The following ATP5MG variants were observed in gnomAD, a reference collection of about 807,000 sequenced individuals.
ATP5MG encodes the protein ATP synthase membrane subunit g.
ATP5MG carries 7 observed loss-of-function variants against 12.7 expected under a neutral mutation model. The ratio of observed to expected loss-of-function variants is 0.55; its 90% CI spans 0.31 to 1.04. ATP5MG has a LOEUF of 1.04. ATP5MG is among the 50% of genes least tolerant of loss of function. ATP5MG has a pLI of 0.05. For missense variants in ATP5MG, 116 were observed against 126.7 expected, an observed-to-expected ratio of 0.92 and a Z score of 0.41; for synonymous variants, 53 against 48.2, an observed-to-expected ratio of 1.10 and a Z score of -0.41.
chr11:118,406,994 A>G lies in ATP5MG; in HGVS notation c.110A>G (p.Glu37Gly). 6.2e-7 allele frequency: 1 copy of G among 1,614,042 alleles called. No individual in the cohort carries two copies. Among genetic ancestry groups the G allele is most frequent in the Non-Finnish European group, 8.5e-7 (1 of 1,179,988 alleles). ...LATFWYYAKV[E>G]LVPPTPAEIP... The stretch of plus-strand genomic sequence containing the variant: ...ACATTTTGGTACTACGCCAAGGTTG[A>G]GCTGGTTCCTCCCACCCCTGCTGAG... The change falls in exon 2 of 3, where the codon GAG (glutamate) becomes GGG (glycine). Residue 37 changes from glutamate (E) to glycine (G), a missense_variant. Transcript: ENST00000300688.
At chr11:118,407,332 G>T in intron 2 of ATP5MG, 1 of 559,712 alleles carries the variant, frequency 1.8e-6, no homozygotes, top group Non-Finnish European at 2.9e-6. Context: ...TAGCAAAAAA[G>T]TGACCATTTT....
Position 118,406,924 on chromosome 11 carries a change from T to C in ATP5MG, c.53-13T>C, listed in dbSNP as rs372834761. 1.4e-5 allele frequency: 22 copies of C among 1,582,132 alleles called. No homozygotes were observed. The African/African-American group carries it at 2.6e-4, about 19-fold the overall frequency. ...CATCCTGGTTTTTTGTTTTGTTTTG[T>C]TTTGTTTTCCAGCTGCTGTGACTTA... On this transcript the variant is annotated splice_polypyrimidine_tract_variant and intron_variant, in intron 1 of 2. Coordinates refer to ENST00000300688, the MANE Select transcript of ATP5MG (RefSeq NM_006476.5).
In ATP5MG at chr11:118,407,047, A is replaced by G; in HGVS notation, c.163A>G (p.Lys55Glu). 6.2e-7 allele frequency: 1 copy of G among 1,614,170 alleles called. No homozygotes were observed. The highest frequency in any genetic ancestry group is 8.5e-7 in the Non-Finnish European group (1 of 1,180,038). Residue 55 changes from lysine (K) to glutamate (E), a missense_variant, in exon 2 of 3, where the codon AAA becomes GAA. By Grantham distance (56) the Lys-to-Glu change is moderately conservative (BLOSUM62 1). Coordinates refer to ENST00000300688, the MANE Select transcript of ATP5MG (RefSeq NM_006476.5). ...CCCTAGAGCTATTCAGAGCCTGAAAAAAATAGTCAATAGTGCTCAGACTGG... is the reference window on the plus strand; with the variant it reads ...CCCTAGAGCTATTCAGAGCCTGAAAGAAATAGTCAATAGTGCTCAGACTGG... ...EIPRAIQSLK[K>E]IVNSAQTGSF...
chr11:118,409,167 ACTG>A lies in ATP5MG; in HGVS notation c.*72_*74del. 1 of 1,034,192 alleles carries A rather than the reference ACTG, an allele frequency of 9.7e-7. No individual in the cohort carries two copies. The highest frequency in any genetic ancestry group is 1.7e-5 in the South Asian group (1 of 60,106). The allele number at this position is 1,034,192 out of a possible 1,614,324, so 64.1% of individuals were successfully genotyped here. A position where few individuals can be genotyped will look rare whatever the true frequency, so the allele number is the denominator to read the frequency against. On this transcript the variant is annotated 3_prime_UTR_variant, in exon 3 of 3. Transcript: ENST00000300688. Reference sequence around the variant, plus strand: ...GTGTTGTTGGACCATGTGTGATCAGACTGCTATCTGAATAAAATAAGATTTGTC... The same window carrying A: ...GTGTTGTTGGACCATGTGTGATCAGACTATCTGAATAAAATAAGATTTGTC...
At chr11:118,402,304 G>A (rs17122154) in intron 1 of ATP5MG, among the ~76,000 whole-genome samples, 42,931 of 151,914 alleles carry the variant, frequency 0.28, 6,418 homozygotes, top group East Asian at 0.58. Flanking sequence ...AGAAGCATAG[G>A]ACGGGATCCG....
At position 118,401,820 on chromosome 11, in the gene ATP5MG, G is replaced by T. The variant is rs1330923784; in HGVS notation, c.52+103G>T. 4 of 1,413,060 alleles carry T rather than the reference G, an allele frequency of 2.8e-6. No homozygotes were observed. In the African/African-American group the frequency reaches 5.8e-5, roughly 20 times the overall value. The allele number at this position is 1,413,060 out of a possible 1,614,324, so 87.5% of individuals were successfully genotyped here. A position where few individuals can be genotyped will look rare whatever the true frequency, so the allele number is the denominator to read the frequency against. On this transcript the variant is annotated intron_variant, in intron 1 of 2. Coordinates refer to ENST00000300688, the MANE Select transcript of ATP5MG (RefSeq NM_006476.5). ...GCTGCGAAGACCCGAGGGGCCTGCG[G>T]GTGCCGGGGCGGGATGGCCTGCAGG...
At chr11:118,406,034 T>C (rs1247917234) in intron 1 of ATP5MG, 4 of 152,210 alleles carry the variant, frequency 2.6e-5, no homozygotes, top group South Asian at 2.1e-4. Flanking sequence ...AGCTAATTTT[T>C]GTAGTTTTAG....
chr11:118,408,669 G>C (rs1555132509), intron 2 of ATP5MG, among the ~76,000 whole-genome samples: 1 of 152,108 alleles, frequency 6.6e-6, no homozygotes. Flanking sequence ...CTATATCCAG[G>C]ATGTGGATTG....
chr11:118,406,197 C>T (rs1948970347), intron 1 of ATP5MG: 1 of 152,200 alleles, frequency 6.6e-6, no homozygotes, highest in South Asian at 2.1e-4. Flanking sequence ...ATGTCTTCCT[C>T]TTTCTGAAAT....
At chr11:118,405,413 A>G (rs1948964102) in intron 1 of ATP5MG, among the ~76,000 whole-genome samples, 1 of 152,076 alleles carries the variant, frequency 6.6e-6, no homozygotes, top group Admixed American at 6.6e-5. Context: ...CTCAACCTCC[A>G]CTGAGAAATC....
At position 118,406,977 on chromosome 11, in the gene ATP5MG, G is replaced by A. The variant is rs782058231; in HGVS notation, c.93G>A (p.Trp31Ter). The change falls in exon 2 of 3, where the codon TGG (tryptophan) becomes TGA (stop). Residue 31 changes from tryptophan to a stop codon, truncating the protein, a stop_gained. Coordinates refer to ENST00000300688, the MANE Select transcript of ATP5MG (RefSeq NM_006476.5). LOFTEE classifies it high-confidence loss of function. Reference protein sequence around the residue: ...TYSKPRLATFWYYAKVELVPP... With the variant: ...TYSKPRLATF ...CGAAGCCTCGATTGGCCACATTTTG[G>A]TACTACGCCAAGGTTGAGCTGGTTC... The A allele has an allele frequency of 4.3e-6, 7 of 1,613,364 alleles. No individual in the cohort carries two copies. Among genetic ancestry groups the A allele is most frequent in the Admixed American group, 3.3e-5 (2 of 59,926 alleles).
intron 1 of ATP5MG, chr11:118,406,371 C>G (rs944293768): frequency 6.5e-6 from 1 of 153,214 alleles, no homozygotes; most frequent in Non-Finnish European, 1.5e-5. Flanking sequence ...AAAAGAGGAG[C>G]AGCTGTGCTT....
intron 1 of ATP5MG, among the ~76,000 whole-genome samples, chr11:118,403,161 T>C (rs1439155567): frequency 6.6e-6 from 1 of 152,242 alleles, no homozygotes; most frequent in African/African-American, 2.4e-5. Context: ...TTACTAAGAT[T>C]GTTAAGATAC....
chr11:118,401,891 C>G (rs1487427626), intron 1 of ATP5MG, 174 bp downstream of exon 1: 1 of 677,490 alleles, frequency 1.5e-6, no homozygotes, highest in East Asian at 2.8e-5. Flanking sequence ...TAGCCTTCCA[C>G]TCGTCTGACC....
Position 118,409,149 on chromosome 11 carries a change from T to C in ATP5MG, c.*51T>C. ...ATTTGATTTATTATTTGAGTGTTGT[T>C]GGACCATGTGTGATCAGACTGCTAT... On this transcript the variant is annotated 3_prime_UTR_variant, in exon 3 of 3. Coordinates refer to ENST00000300688, the MANE Select transcript of ATP5MG (RefSeq NM_006476.5). The C allele has an allele frequency of 7.5e-7, 1 of 1,331,422 alleles. No homozygotes were observed. Among genetic ancestry groups the C allele is most frequent in the Non-Finnish European group, 1.0e-6 (1 of 960,590 alleles). 82.5% of individuals were successfully genotyped at this position (1,331,422 alleles called of 1,614,324 possible).
chr11:118,405,700 CTGCT>C, intron 1 of ATP5MG: 1 of 985,132 alleles, frequency 1.0e-6, no homozygotes, highest in Non-Finnish European at 1.2e-6. Flanking sequence ...AGCTTTGTGT[CTGCT>C]TAAAGGTATG....
At position 118,406,834 on chromosome 11, in the gene ATP5MG, G is replaced by T. The variant is rs569423608; in HGVS notation, c.53-103G>T. 7.4e-6 allele frequency: 11 copies of T among 1,481,740 alleles called. No homozygotes were observed. The African/African-American group carries it at 1.5e-4, about 21-fold the overall frequency. 91.8% of individuals were successfully genotyped at this position (1,481,740 alleles called of 1,614,324 possible). A position where few individuals can be genotyped will look rare whatever the true frequency, so the allele number is the denominator to read the frequency against. ...ACATTTGGTACAAGCAGTGAATGAA[G>T]GTGATGCATGAATAAATATTTGTGT... On this transcript the variant is annotated intron_variant, in intron 1 of 2. Coordinates refer to ENST00000300688, the MANE Select transcript of ATP5MG (RefSeq NM_006476.5).
chr11:118,401,754 G>A (rs557183506), intron 1 of ATP5MG, 37 bp downstream of exon 1: 25 of 1,604,832 alleles, frequency 1.6e-5, no homozygotes, highest in Admixed American at 3.4e-5. Flanking sequence ...CGGGCACACG[G>A]GCGGCAGGGA....
chr11:118,405,784 T>G, intron 1 of ATP5MG: 1 of 860,412 alleles, frequency 1.2e-6, no homozygotes, highest in Non-Finnish European at 1.4e-6. Context: ...GCCGTTAATA[T>G]GAGGAAAACA....
Sources: allele counts gnomAD v4.1 joint callset (sites outside exome capture counted in the v4.1 genomes callset), GRCh38; gene constraint gnomAD v4.1.1; transcripts MANE v1.5; gene names NCBI Gene and HGNC (gene_info 2026-07-23, HGNC 2026-07-21).